The following MYPN variants were observed in gnomAD, a reference collection of about 807,000 sequenced individuals.
The protein encoded by MYPN is myopalladin.
A neutral mutation model predicts 129.4 loss-of-function variants in MYPN; 63 were observed. That is an observed-to-expected ratio of 0.49 (90% CI 0.40 to 0.60). The LOEUF (loss-of-function observed/expected upper bound fraction) is 0.60, where lower values mean the gene tolerates loss of function less well. MYPN is among the 20% of genes least tolerant of loss of function. The pLI, the probability that MYPN is intolerant of heterozygous loss-of-function variation, is 0.00. For missense variants in MYPN, 1,596 were observed against 1,635.4 expected, an observed-to-expected ratio of 0.98 and a Z score of 0.42; for synonymous variants, 629 against 600.9, an observed-to-expected ratio of 1.05 and a Z score of -0.68.
At chr10:68,095,243 G>A (rs914536012) in intron 1 of MYPN, among the ~76,000 whole-genome samples, 4 of 151,802 alleles carry the variant, frequency 2.6e-5, no homozygotes, top group East Asian at 1.9e-4. Context: ...CCAGCTACTC[G>A]GGAGGCTGAG....
Position 68,194,443 on chromosome 10 carries a change from C to T in MYPN, c.3006C>T (p.Cys1002=), listed in dbSNP as rs1321971649. ...CKMRREGDGT[C]SLHIESTTSD... is the part of the protein sequence containing the mutation. ...TGAGGCGAGAAGGAGATGGGACATG[C>T]TCTCTGCACATTGAATCCACTACCA... Residue 1002 remains cysteine (C), a synonymous_variant, in exon 14 of 20, where the codon TGC becomes TGT. Transcript: ENST00000358913. The T allele has an allele frequency of 3.1e-6, 5 of 1,613,758 alleles. No homozygotes were observed. In the African/African-American group the frequency reaches 5.3e-5, roughly 17 times the overall value.
At chr10:68,146,715 T>C (rs2042672415) in intron 4 of MYPN, among the ~76,000 whole-genome samples, 1 of 152,224 alleles carries the variant, frequency 6.6e-6, no homozygotes, top group Non-Finnish European at 1.5e-5. Flanking sequence ...CTCGTCTTCT[T>C]AGGCTAAAAT....
rs7095607 is a variant in MYPN, at chr10:68,197,593, G to A, written c.3285+115G>A. On this transcript the variant is annotated intron_variant, in intron 16 of 19. Transcript: ENST00000358913. ...TTTTTTTTCAGGAAAGATGAGATGG[G>A]GAAGGGAGACAGATCACTTTTTTTC... 0.46 allele frequency: 594,498 copies of A among 1,286,778 alleles called. 143,432 individuals carry two copies. Among genetic ancestry groups the A allele is most frequent in the Non-Finnish European group, 0.49 (450,685 of 918,566 alleles). The allele number at this position is 1,286,778 out of a possible 1,614,324, so 79.7% of individuals were successfully genotyped here. A position where few individuals can be genotyped will look rare whatever the true frequency, so the allele number is the denominator to read the frequency against.
chr10:68,185,974 T>C (rs1360941595), intron 12 of MYPN, among the ~76,000 whole-genome samples: 1 of 152,228 alleles, frequency 6.6e-6, no homozygotes, highest in Admixed American at 6.5e-5. Context: ...AGTCTACAAT[T>C]GTTGACCTAC....
At chr10:68,207,127 A>G (rs894621891) in intron 19 of MYPN, among the ~76,000 whole-genome samples, 1 of 152,036 alleles carries the variant, frequency 6.6e-6, no homozygotes, top group Non-Finnish European at 1.5e-5. Flanking sequence ...GCATGGTGGC[A>G]CACACCTGTA....
At position 68,174,503 on chromosome 10, in the gene MYPN, GA is replaced by G. The variant is rs2043195605; in HGVS notation, c.2414del (p.Asn805ThrfsTer56). ...CCATTCACATTTTCCATCCCCAGCGGAAACCAGTTTCAGCCCCGCTGTGTGT... is the reference window on the plus strand; with the variant it reads ...CCATTCACATTTTCCATCCCCAGCGGAACCAGTTTCAGCCCCGCTGTGTGT... ...PPPFTFSIPSGNQFQPRCVSP... is the reference protein window; with the variant it reads ...PPPFTFSIPSXNQFQPRCVSP... On this transcript the variant is annotated frameshift_variant, in exon 11 of 20. Coordinates refer to ENST00000358913, the MANE Select transcript of MYPN (RefSeq NM_032578.4). LOFTEE classifies it high-confidence loss of function. 1 of 1,613,928 alleles carries G rather than the reference GA, an allele frequency of 6.2e-7. No individual in the cohort carries two copies. The highest frequency in any genetic ancestry group is 8.5e-7 in the Non-Finnish European group (1 of 1,179,990).
chr10:68,203,693 A>ACG (rs778691636), intron 18 of MYPN, among the ~76,000 whole-genome samples: 8 of 29,098 alleles, frequency 2.7e-4, no homozygotes, highest in Non-Finnish European at 1.2e-3. Flanking sequence ...GCGCACGCAC[A>ACG]CACACACACA....
intron 10 of MYPN, among the ~76,000 whole-genome samples, chr10:68,173,092 A>G (rs1020738757): frequency 1.3e-5 from 2 of 152,132 alleles, no homozygotes; most frequent in Non-Finnish European, 2.9e-5. Context: ...AAAAACAAAA[A>G]CAAAAATAAT....
intron 2 of MYPN, among the ~76,000 whole-genome samples, chr10:68,128,268 C>T (rs191921301): frequency 6.6e-6 from 1 of 152,334 alleles, no homozygotes; most frequent in East Asian, 1.9e-4. Flanking sequence ...GAATGTACAG[C>T]TGGGTAACTC....
intron 2 of MYPN, among the ~76,000 whole-genome samples, chr10:68,134,407 T>C (rs1345314682): frequency 2.0e-5 from 3 of 152,212 alleles, no homozygotes; most frequent in Non-Finnish European, 4.4e-5. Context: ...AACTTTCTAG[T>C]CACCCCTCCT....
intron 16 of MYPN, 93 bp from the exon 17 acceptor site, chr10:68,199,275 T>C (rs1315122564): frequency 3.2e-6 from 4 of 1,242,750 alleles, no homozygotes; most frequent in Non-Finnish European, 4.6e-6. Flanking sequence ...TCTCTCACTG[T>C]CTGTTTGGTG....
At chr10:68,157,847 A>AAAAC (rs149480692) in intron 6 of MYPN, among the ~76,000 whole-genome samples, 9,443 of 86,256 alleles carry the variant, frequency 0.11, 1,098 homozygotes, top group African/African-American at 0.27. Context: ...GTCTCAGAAA[A>AAAAC]AAACAAACAA....
intron 5 of MYPN, 97 bp from the exon 6 acceptor site, chr10:68,149,943 T>A: frequency 1.8e-6 from 2 of 1,130,804 alleles, no homozygotes; most frequent in Non-Finnish European, 1.3e-6. Context: ...TGGTTTGGGA[T>A]GCATTTCATA....
chr10:68,138,146 A>C (rs956440369), intron 2 of MYPN, among the ~76,000 whole-genome samples: 7 of 146,838 alleles, frequency 4.8e-5, no homozygotes, highest in Non-Finnish European at 8.9e-5. Context: ...CACGTCGTGC[A>C]GGCTGGGGTG....
rs988943613 is a variant in MYPN, at chr10:68,211,070, C to A, written c.*615C>A. The A allele has an allele frequency of 2.2e-6, 1 of 453,960 alleles. No individual in the cohort carries two copies. Among genetic ancestry groups the A allele is most frequent in the African/African-American group, 2.0e-5 (1 of 49,986 alleles). 28.1% of individuals were successfully genotyped at this position (453,960 alleles called of 1,614,324 possible). Reference sequence around the variant, plus strand: ...AGGTGTCAAAATGTGCTTGAGATTCCAAAAACTTGCTGAAACACTTGATAT... The same window carrying A: ...AGGTGTCAAAATGTGCTTGAGATTCAAAAAACTTGCTGAAACACTTGATAT... On this transcript the variant is annotated 3_prime_UTR_variant, in exon 20 of 20. Coordinates refer to ENST00000358913, the MANE Select transcript of MYPN (RefSeq NM_032578.4).
intron 2 of MYPN, among the ~76,000 whole-genome samples, chr10:68,129,792 G>T (rs941608517): frequency 6.6e-6 from 1 of 152,124 alleles, no homozygotes; most frequent in Non-Finnish European, 1.5e-5. Flanking sequence ...TTGGAATATT[G>T]CATTATACTT....
rs779002730 is a variant in MYPN, at chr10:68,122,153, G to C, written c.715G>C (p.Glu239Gln). 3 of 1,612,316 alleles carry C rather than the reference G, an allele frequency of 1.9e-6. No individual in the cohort carries two copies. Among genetic ancestry groups the C allele is most frequent in the African/African-American group, 2.7e-5 (2 of 74,822 alleles). Reference sequence around the variant, plus strand: ...GCAGGAAGCCAAGAGGCGTGAAGCGGAGCAGGCTGCCAGTGAGGCGGCTGG... The same window carrying C: ...GCAGGAAGCCAAGAGGCGTGAAGCGCAGCAGGCTGCCAGTGAGGCGGCTGG... ...EQQEAKRREA[E>Q]QAASEAAGGD... The change falls in exon 2 of 20, where the codon GAG becomes CAG. Residue 239 changes from glutamate (E) to glutamine (Q), a missense_variant. Physicochemically the swap from Glu to Gln is conservative, Grantham distance 29. Transcript: ENST00000358913.
chr10:68,182,036 T>C (rs749646806), intron 12 of MYPN, among the ~76,000 whole-genome samples: 1 of 151,772 alleles, frequency 6.6e-6, no homozygotes, highest in Non-Finnish European at 1.5e-5. Context: ...GTGATGAAGG[T>C]AAAAGGTTGA....
At chr10:68,197,684 A>G (rs899794667) in intron 16 of MYPN, among the ~76,000 whole-genome samples, 13 of 151,812 alleles carry the variant, frequency 8.6e-5, no homozygotes, top group Non-Finnish European at 1.8e-4. Context: ...TTGAATCTCT[A>G]TATATTAATA....
Sources: gnomAD v4.1 joint callset for allele counts (sites outside exome capture counted in the v4.1 genomes callset) on GRCh38, gnomAD v4.1.1 for gene constraint, MANE v1.5 for transcripts, NCBI Gene and HGNC (gene_info 2026-07-23, HGNC 2026-07-21) for gene names.